KLHL32: variants seen among roughly 807,000 people sequenced by gnomAD.
KLHL32 encodes the protein kelch like family member 32.
KLHL32 carries 35 observed loss-of-function variants against 64.8 expected under a neutral mutation model. The observed-to-expected ratio is 0.54, with a 90% CI of 0.41 to 0.72. The LOEUF (loss-of-function observed/expected upper bound fraction) is 0.72, where lower values mean the gene tolerates loss of function less well. Among genes scored for constraint, KLHL32 ranks in the 30% least tolerant of loss-of-function variants. The pLI, the probability that KLHL32 is intolerant of heterozygous loss-of-function variation, is 0.00. For missense variants in KLHL32, 589 were observed against 768.5 expected (o/e 0.77, Z 2.76); for synonymous variants, 259 against 281.0 (o/e 0.92, Z 0.78).
chr6:97,029,393 A>G (rs572629512), intron 3 of KLHL32, among the ~76,000 whole-genome samples: 186 of 152,372 alleles, frequency 1.2e-3, no homozygotes, highest in Non-Finnish European at 1.6e-3. Context: ...TTTAGCATAT[A>G]AGATGGATCT....
chr6:97,038,257 A>G (rs1168588081), intron 3 of KLHL32, among the ~76,000 whole-genome samples: 1 of 152,092 alleles, frequency 6.6e-6, no homozygotes, highest in Non-Finnish European at 1.5e-5. Flanking sequence ...GGGGACAAAT[A>G]TTTGTAAACT....
At chr6:97,030,985 G>A (rs566295418) in intron 3 of KLHL32, among the ~76,000 whole-genome samples, 2 of 152,164 alleles carry the variant, frequency 1.3e-5, no homozygotes, top group African/African-American at 2.4e-5. Context: ...AGGAGATATG[G>A]CACCTGCCTT....
chr6:96,934,845 T>C (rs1359699450), intron 1 of KLHL32, among the ~76,000 whole-genome samples: 1 of 152,212 alleles, frequency 6.6e-6, no homozygotes, highest in Non-Finnish European at 1.5e-5. Flanking sequence ...GTGGATATAA[T>C]CTTATGGGTC....
intron 7 of KLHL32, among the ~76,000 whole-genome samples, chr6:97,117,202 G>A (rs1562356842): frequency 1.3e-5 from 2 of 152,182 alleles, no homozygotes; most frequent in African/African-American, 2.4e-5. Flanking sequence ...CACTGAGTTG[G>A]GAGTGTAACC....
chr6:96,997,703 C>T (rs1042740530), intron 3 of KLHL32, among the ~76,000 whole-genome samples: 2 of 151,964 alleles, frequency 1.3e-5, no homozygotes, highest in Admixed American at 6.6e-5. Flanking sequence ...TACACCATTG[C>T]ACAGGAGTGC....
At chr6:96,943,748 C>T (rs1321602680) in intron 1 of KLHL32, among the ~76,000 whole-genome samples, 1 of 152,190 alleles carries the variant, frequency 6.6e-6, no homozygotes, top group African/African-American at 2.4e-5. Context: ...CTTCGAGCTT[C>T]CTGCTTTTTT....
chr6:96,982,073 G>A (rs1163383389), intron 3 of KLHL32, among the ~76,000 whole-genome samples: 1 of 152,084 alleles, frequency 6.6e-6, no homozygotes, highest in Non-Finnish European at 1.5e-5. Context: ...GGCCCATTCA[G>A]TCAAGTGTTG....
chr6:96,996,077 T>C (rs9387023), intron 3 of KLHL32, among the ~76,000 whole-genome samples: 1 of 152,044 alleles, frequency 6.6e-6, no homozygotes, highest in Non-Finnish European at 1.5e-5. Context: ...TGACAGTGGG[T>C]ACACATAAGT....
the KLHL32 span, among the ~76,000 whole-genome samples, chr6:96,913,084 T>C: frequency 6.6e-6 from 1 of 152,230 alleles, no homozygotes; most frequent in Non-Finnish European, 1.5e-5. Flanking sequence ...CTGAAGTGCT[T>C]GAACTCTTAT....
upstream of KLHL32, among the ~76,000 whole-genome samples, chr6:96,920,589 C>CAT (rs1768721695): frequency 6.6e-6 from 1 of 152,100 alleles, no homozygotes; most frequent in Non-Finnish European, 1.5e-5. Flanking sequence ...CACACACACA[C>CAT]ATCTCCCTCC....
At chr6:97,055,802 A>AC (rs376209929) in intron 4 of KLHL32, among the ~76,000 whole-genome samples, 22,121 of 125,604 alleles carry the variant, frequency 0.18, 3,092 homozygotes, top group African/African-American at 0.29. Context: ...TGTCTAAAAA[A>AC]AAAAAAAAAA....
chr6:96,957,490 T>C (rs1162840532), intron 1 of KLHL32, among the ~76,000 whole-genome samples: 3 of 152,232 alleles, frequency 2.0e-5, no homozygotes, highest in Non-Finnish European at 4.4e-5. Flanking sequence ...CATTGTGTCA[T>C]CTATAAAGAT....
intron 3 of KLHL32, among the ~76,000 whole-genome samples, chr6:97,037,495 A>G (rs1204876416): frequency 6.6e-6 from 1 of 152,178 alleles, no homozygotes; most frequent in South Asian, 2.1e-4. Context: ...TAAAATATCT[A>G]TACAAGGAAA....
rs767462244 is a variant in KLHL32, at chr6:97,132,730, C to T, written c.1684C>T (p.Pro562Ser). The T allele has an allele frequency of 6.2e-6, 10 of 1,611,618 alleles. No homozygotes were observed. Among genetic ancestry groups the T allele is most frequent in the Non-Finnish European group, 8.5e-6 (10 of 1,178,354 alleles). The change falls in exon 10 of 11, where the codon CCT becomes TCT. Residue 562 changes from proline to serine, a missense_variant. This residue lies in a region of KLHL32 where 172 missense variants were observed against 192.0 expected (regional missense o/e 0.90). Coordinates refer to ENST00000369261, the MANE Select transcript of KLHL32 (RefSeq NM_052904.4). ...TGGATATTCAATTTGGACAAATGAG[C>T]CTCTGGCTTGTATCCAGGTGAGTGG... ...VGGYSIWTNE[P>S]LACIQVLDVS...
intron 3 of KLHL32, among the ~76,000 whole-genome samples, chr6:97,027,119 G>A (rs112359164): frequency 0.081 from 12,073 of 148,502 alleles, 1,031 homozygotes; most frequent in Admixed American, 0.22. Context: ...CCGAGATTGC[G>A]CCACTGCACT....
At chr6:97,063,451 C>A (rs1242505710) in intron 4 of KLHL32, among the ~76,000 whole-genome samples, 1 of 152,092 alleles carries the variant, frequency 6.6e-6, no homozygotes, top group African/African-American at 2.4e-5. Flanking sequence ...ATCAAGCACA[C>A]AAGTGGACTG....
chr6:97,034,235 C>T (rs1004855705), intron 3 of KLHL32, among the ~76,000 whole-genome samples: 16 of 151,992 alleles, frequency 1.1e-4, no homozygotes, highest in African/African-American at 3.1e-4. Flanking sequence ...CTTTGGCATG[C>T]GGATGTCAAG....
intron 5 of KLHL32, among the ~76,000 whole-genome samples, chr6:97,072,966 A>C (rs758906143): frequency 6.6e-6 from 1 of 152,204 alleles, no homozygotes; most frequent in African/African-American, 2.4e-5. Context: ...CAGATATGGT[A>C]TCCTATATAC....
At chr6:97,100,559 T>C (rs987529661) in intron 6 of KLHL32, among the ~76,000 whole-genome samples, 6 of 152,186 alleles carry the variant, frequency 3.9e-5, no homozygotes, top group Non-Finnish European at 7.3e-5. Context: ...CCTTTGACTA[T>C]TCTTTTATTT....
Sources: gnomAD v4.1 joint callset for allele counts (sites outside exome capture counted in the v4.1 genomes callset) on GRCh38, gnomAD v4.1.1 for gene constraint, gnomAD v4.1.1 regional missense constraint, MANE v1.5 for transcripts, NCBI Gene and HGNC (gene_info 2026-07-23, HGNC 2026-07-21) for gene names.